The following MAP7D2 variants were observed in gnomAD, a reference collection of about 807,000 sequenced individuals.
MAP7D2 encodes the protein MAP7 domain containing 2, also known as MAP7 domain-containing protein 2.
A neutral mutation model predicts 63.5 loss-of-function variants in MAP7D2; 33 were observed. The observed-to-expected ratio is 0.52, with a 90% confidence interval of 0.39 to 0.70. MAP7D2 has a LOEUF of 0.70. MAP7D2 is among the 30% of genes least tolerant of loss of function. MAP7D2 has a pLI of 0.00. For synonymous variants in MAP7D2, 224 were observed against 223.7 expected, an observed-to-expected ratio of 1.00 and a Z score of -0.01; for missense variants, 626 against 604.0, an observed-to-expected ratio of 1.04 and a Z score of -0.38.
chrX:20,073,048 C>T (rs957780078), intron 1 of MAP7D2, among the ~76,000 whole-genome samples: 1 of 110,652 alleles, frequency 9.0e-6, no homozygotes, highest in African/African-American at 3.3e-5. Context: ...AGTGCTCCCC[C>T]CCACCCCAAA....
intron 1 of MAP7D2, among the ~76,000 whole-genome samples, chrX:20,075,077 AAC>A (rs1439998037): frequency 3.6e-5 from 4 of 111,649 alleles, no homozygotes; most frequent in Admixed American, 2.9e-4. Context: ...AACAAACAAA[AAC>A]AGTGTTAAAA....
At chrX:20,052,787 C>A in intron 5 of MAP7D2, 91 bp downstream of exon 5, 1 of 698,265 alleles carries the variant, frequency 1.4e-6, no homozygotes, top group South Asian at 2.3e-5. Flanking sequence ...CTGCAGAAGG[C>A]TCAAGAGGAG....
intron 3 of MAP7D2, among the ~76,000 whole-genome samples, chrX:20,057,311 C>T (rs1319004474): frequency 4.5e-5 from 5 of 111,481 alleles, no homozygotes; most frequent in African/African-American, 6.5e-5. Flanking sequence ...CATAGTGTGA[C>T]GCTTTTCTGC....
At chrX:20,066,488 T>G (rs774984015) in intron 1 of MAP7D2, among the ~76,000 whole-genome samples, 1 of 112,196 alleles carries the variant, frequency 8.9e-6, no homozygotes, top group South Asian at 3.7e-4. Flanking sequence ...GATATTAAAA[T>G]GAGATAAGTA....
intron 8 of MAP7D2, among the ~76,000 whole-genome samples, chrX:20,038,874 G>A (rs910193154): frequency 4.5e-5 from 5 of 112,115 alleles, no homozygotes; most frequent in East Asian, 2.8e-4. Context: ...GTAAGAAAGA[G>A]TATGCGTGGA....
At chrX:20,025,161 AGTTGG>A in intron 9 of MAP7D2, 78 bp from the exon 10 acceptor site, 1 of 1,096,629 alleles carries the variant, frequency 9.1e-7, no homozygotes. Context: ...AGCAGCTGCC[AGTTGG>A]AAGTGAAAAA....
intron 1 of MAP7D2, among the ~76,000 whole-genome samples, chrX:20,106,248 T>C (rs1268057743): frequency 1.8e-5 from 2 of 112,000 alleles, no homozygotes; most frequent in Non-Finnish European, 3.8e-5. Context: ...CCACAGTCTA[T>C]CAGGTCCCCA....
chrX:20,024,103 A>G (rs1037845985), intron 10 of MAP7D2, among the ~76,000 whole-genome samples: 2 of 112,151 alleles, frequency 1.8e-5, no homozygotes, highest in South Asian at 3.8e-4. Context: ...TCCTGTCATG[A>G]TAATTCTCTA....
chrX:20,025,734 T>C lies in MAP7D2; in HGVS notation c.1226A>G (p.His409Arg), dbSNP rs752449857. 1.3e-5 allele frequency: 16 copies of C among 1,212,100 alleles called. No individual in the cohort carries two copies. The highest frequency in any genetic ancestry group is 1.8e-5 in the Non-Finnish European group (16 of 895,571). The change falls in exon 9 of 17, where the codon CAT becomes CGT. Residue 409 changes from histidine (H) to arginine (R), a missense_variant. Physicochemically the swap from His to Arg is conservative, Grantham distance 29. Coordinates refer to ENST00000379643, the MANE Select transcript of MAP7D2 (RefSeq NM_001168465.2). The part of the protein sequence containing the change: ...EALEKHVVDK[H>R]ASEKHAAAAG... ...GGCAGCAGCATGCTTCTCGCTGGCA[T>C]GCTTGTCCACTACATGCTTCTCTAG... is the stretch of plus-strand genomic sequence containing the variant.
intron 10 of MAP7D2, among the ~76,000 whole-genome samples, chrX:20,020,768 G>A (rs1299176423): frequency 4.5e-5 from 5 of 112,165 alleles, no homozygotes; most frequent in Non-Finnish European, 9.4e-5. Flanking sequence ...GTGGTTCCTG[G>A]CCTGGGCTAA....
intron 8 of MAP7D2, among the ~76,000 whole-genome samples, chrX:20,035,926 ATGTGTGTGTG>A (rs59706024): frequency 1.0e-4 from 10 of 98,427 alleles, no homozygotes; most frequent in African/African-American, 2.9e-4. Flanking sequence ...AAAAATATAT[ATGTGTGTGTG>A]TGTGTGTGTG....
chrX:20,022,129 G>C (rs2073673224), intron 10 of MAP7D2, among the ~76,000 whole-genome samples: 1 of 111,896 alleles, frequency 8.9e-6, no homozygotes, highest in Admixed American at 9.5e-5. Context: ...GGTACAGGGA[G>C]GGAGCAAGAC....
Position 20,016,434 on chromosome X carries a change from A to G in MAP7D2, c.1413-109T>C, listed in dbSNP as rs774474301. The G allele has an allele frequency of 9.5e-6, 6 of 633,650 alleles. No individual in the cohort carries two copies. In the East Asian group the frequency reaches 1.6e-4, roughly 17 times the overall value. The allele number at this position is 633,650 out of a possible 1,213,427, so 52.2% of individuals were successfully genotyped here. On this transcript the variant is annotated intron_variant, in intron 10 of 16. Coordinates refer to ENST00000379643, the MANE Select transcript of MAP7D2 (RefSeq NM_001168465.2). ...ATGCTCCACATGGTAACACACACAC[A>G]TACCTTTCAACGAGCATTCATTTAA...
intron 1 of MAP7D2, chrX:20,116,541 C>T (rs1373261471): frequency 2.2e-6 from 2 of 927,384 alleles, no homozygotes; most frequent in Non-Finnish European, 2.7e-6. Flanking sequence ...CCAGGTCGCC[C>T]CAAGAAAGAA....
intron 1 of MAP7D2, among the ~76,000 whole-genome samples, chrX:20,106,895 T>A (rs1417514205): frequency 9.3e-6 from 1 of 107,562 alleles, no homozygotes; most frequent in Non-Finnish European, 1.9e-5. Context: ...GGTGGGAGGA[T>A]CGCTTGAGCC....
chrX:20,079,404 T>A (rs903994104), intron 1 of MAP7D2, among the ~76,000 whole-genome samples: 4 of 112,418 alleles, frequency 3.6e-5, no homozygotes, highest in African/African-American at 1.3e-4. Context: ...CCAGGGTAAC[T>A]GTTAACCTGA....
In MAP7D2 at chrX:20,042,571, C is replaced by A; in HGVS notation, c.938G>T (p.Gly313Val). The change falls in exon 8 of 17, where the codon GGG becomes GTG. Residue 313 changes from glycine (G) to valine (V), a missense_variant. Coordinates refer to ENST00000379643, the MANE Select transcript of MAP7D2 (RefSeq NM_001168465.2). ...TATSLPVVNFGSPLRRCEFSG... is the reference protein window; with the variant it reads ...TATSLPVVNFVSPLRRCEFSG... ...AAACTCACATCTTCTCAGAGGGGAC[C>A]CGAAGTTCACAACAGGAAGAGAAGT... 1 of 1,211,402 alleles carries A rather than the reference C, an allele frequency of 8.3e-7. No individual in the cohort carries two copies. Among genetic ancestry groups the A allele is most frequent in the South Asian group, 1.8e-5 (1 of 56,962 alleles).
At chrX:20,016,451 T>C (rs2073395258) in intron 10 of MAP7D2, 126 bp from the exon 11 acceptor site, 2 of 583,901 alleles carry the variant, frequency 3.4e-6, no homozygotes, top group Non-Finnish European at 5.5e-6. Flanking sequence ...TCAACGAGCA[T>C]TCATTTAATA....
chrX:20,025,647 C>CTTG (rs895764333), intron 9 of MAP7D2, 34 bp downstream of exon 9: 10 of 1,204,689 alleles, frequency 8.3e-6, no homozygotes, highest in Non-Finnish European at 1.1e-5. Flanking sequence ...GGAGAACCGT[C>CTTG]TTGGGAAAGC....
Sources: allele counts gnomAD v4.1 joint callset (sites outside exome capture counted in the v4.1 genomes callset), GRCh38; gene constraint gnomAD v4.1.1; transcripts MANE v1.5; gene names NCBI Gene and HGNC (gene_info 2026-07-23, HGNC 2026-07-21).